Variants in NDUFAF6 observed in about 807,000 individuals in gnomAD.
NDUFAF6 encodes NADH:ubiquinone oxidoreductase complex assembly factor 6, also known as NADH dehydrogenase (ubiquinone) complex I, assembly factor 6.
NDUFAF6 carries 45 observed loss-of-function variants against 40.8 expected under a neutral mutation model. That is an observed-to-expected ratio of 1.10 (90% CI 0.87 to 1.42). NDUFAF6 has a LOEUF of 1.42. Ranked by LOEUF, NDUFAF6 falls within the 40% of genes most tolerant of loss-of-function variation. NDUFAF6 has a pLI of 0.00. For missense variants in NDUFAF6, 435 were observed against 418.5 expected, an observed-to-expected ratio of 1.04 and a Z score of -0.34; for synonymous variants, 185 against 155.9, an observed-to-expected ratio of 1.19 and a Z score of -1.39.
In NDUFAF6 at chr8:95,066,277, T is replaced by G. The variant is rs534592064; in HGVS notation, c.*512-9356T>G. ...TAGGCATGTGCCATCATGCCTGGCT[T>G]GCTTGCTTGCTTTTTTTTTTTTTTT... On this transcript the variant is annotated intron_variant and NMD_transcript_variant, in intron 9 of 9. Transcript: ENST00000520757. 6.2e-5 allele frequency among the ~76,000 whole-genome samples: 9 copies of G among 144,570 alleles called. No homozygotes were observed. The East Asian group carries it at 1.0e-3, about 17-fold the overall frequency. The allele number at this position is 144,570 out of a possible 152,430, so 94.8% of individuals were successfully genotyped here. A position where few individuals can be genotyped will look rare whatever the true frequency, so the allele number is the denominator to read the frequency against.
At chr8:94,912,714 G>A (rs1818863801) in intron 1 of NDUFAF6, among the ~76,000 whole-genome samples, 1 of 151,980 alleles carries the variant, frequency 6.6e-6, no homozygotes, top group Non-Finnish European at 1.5e-5. Context: ...TCGGGAGGCT[G>A]AGGCAGGAGA....
downstream of NDUFAF6, among the ~76,000 whole-genome samples, chr8:95,106,633 G>T (rs1322762835): frequency 6.6e-6 from 1 of 152,134 alleles, no homozygotes; most frequent in Non-Finnish European, 1.5e-5. Flanking sequence ...TTGACAAATG[G>T]GATCTAATTA....
chr8:95,103,001 A>G (rs1587278737), exon 3 of NDUFAF6: 1 of 152,070 alleles, frequency 6.6e-6, no homozygotes, highest in African/African-American at 2.4e-5. Flanking sequence ...GTACCTTATG[A>G]CGACAAGATG....
At chr8:95,062,710 T>G (rs148882993), downstream of NDUFAF6, among the ~76,000 whole-genome samples, 563 of 152,358 alleles carry the variant, frequency 3.7e-3, 23 homozygotes, top group Admixed American at 0.031. Flanking sequence ...TCTCCCAAAA[T>G]GCCTGTTGTC....
downstream of NDUFAF6, among the ~76,000 whole-genome samples, chr8:95,106,168 G>A (rs576324413): frequency 6.6e-5 from 10 of 151,952 alleles, no homozygotes; most frequent in Admixed American, 1.3e-4. Context: ...CCAGCTACCC[G>A]GGAGGCTGAG....
At chr8:95,053,925 CTTTTTTTTTTTTTT>C (rs71273448) in intron 8 of NDUFAF6, among the ~76,000 whole-genome samples, 1 of 37,016 alleles carries the variant, frequency 2.7e-5, no homozygotes, top group Non-Finnish European at 5.0e-5. Flanking sequence ...CCGTGCCCGG[CTTTTTTTTTTTTTT>C]TTTTTTTTTT....
At chr8:94,929,843 C>T (rs1034161895) in intron 1 of NDUFAF6, 2 of 152,502 alleles carry the variant, frequency 1.3e-5, no homozygotes, top group Admixed American at 1.3e-4. Context: ...ATTGGAATTA[C>T]TGCATGCACT....
chr8:94,976,177 T>A (rs1356065875), intron 1 of NDUFAF6, among the ~76,000 whole-genome samples: 6 of 105,216 alleles, frequency 5.7e-5, no homozygotes, highest in Non-Finnish European at 1.1e-4. Flanking sequence ...CCAGCCTGGG[T>A]GACAGAGACT....
intron 1 of NDUFAF6, among the ~76,000 whole-genome samples, chr8:94,921,722 C>T (rs1819515502): frequency 6.6e-6 from 1 of 152,206 alleles, no homozygotes. Flanking sequence ...ACTAAAAATG[C>T]AGATTAACAT....
intron 2 of NDUFAF6, among the ~76,000 whole-genome samples, chr8:94,995,566 C>A (rs1047936370): frequency 6.6e-6 from 1 of 151,726 alleles, no homozygotes; most frequent in Admixed American, 6.6e-5. Context: ...GAGTTTGAGC[C>A]CCCATCTTTA....
chr8:94,951,781 G>A (rs58157823), intron 2 of NDUFAF6, among the ~76,000 whole-genome samples: 66 of 152,252 alleles, frequency 4.3e-4, no homozygotes, highest in African/African-American at 1.4e-3. Flanking sequence ...CTGTATCTGG[G>A]GTGGATCACT....
At chr8:95,016,843 A>G (rs1432060127) in intron 2 of NDUFAF6, among the ~76,000 whole-genome samples, 9 of 152,044 alleles carry the variant, frequency 5.9e-5, no homozygotes, top group African/African-American at 1.9e-4. Context: ...GGGGTGCTTT[A>G]TATACAAAGG....
chr8:94,974,550 C>G (rs1824763219), intron 1 of NDUFAF6: 2 of 152,240 alleles, frequency 1.3e-5, no homozygotes, highest in Admixed American at 1.3e-4. Context: ...AATGCCTTCC[C>G]CAGCTCAAGC....
chr8:95,061,120 G>A (rs1057451338), downstream of NDUFAF6, among the ~76,000 whole-genome samples: 1 of 152,190 alleles, frequency 6.6e-6, no homozygotes, highest in Non-Finnish European at 1.5e-5. Context: ...AAACGGAATG[G>A]ATGGTCTATG....
intron 1 of NDUFAF6, among the ~76,000 whole-genome samples, chr8:94,980,308 G>C (rs1321278138): frequency 6.6e-6 from 1 of 151,346 alleles, no homozygotes; most frequent in Non-Finnish European, 1.5e-5. Context: ...AACTGCAGAA[G>C]TTACATATCA....
At chr8:95,098,501 A>T (rs1809543442), upstream of NDUFAF6, among the ~76,000 whole-genome samples, 1 of 152,150 alleles carries the variant, frequency 6.6e-6, no homozygotes. Flanking sequence ...CCCCGTCTCT[A>T]CTAAAAATAC....
chr8:95,114,089 T>A (rs1222592541), intron 4 of NDUFAF6, among the ~76,000 whole-genome samples: 1 of 151,752 alleles, frequency 6.6e-6, no homozygotes, highest in Non-Finnish European at 1.5e-5. Flanking sequence ...CACACCAGCA[T>A]GGCACATGTA....
chr8:95,039,250 T>G (rs1055907350), intron 3 of NDUFAF6, among the ~76,000 whole-genome samples: 1 of 151,606 alleles, frequency 6.6e-6, no homozygotes, highest in Non-Finnish European at 1.5e-5. Context: ...GTCAAGAGAT[T>G]GAGACCATCC....
intron 2 of NDUFAF6, among the ~76,000 whole-genome samples, chr8:95,034,919 G>A (rs893313172): frequency 6.7e-6 from 1 of 150,354 alleles, no homozygotes; most frequent in Non-Finnish European, 1.5e-5. Context: ...CGCTCTTGTC[G>A]CCCAGGCTAG....
Sources: gnomAD v4.1 joint callset for allele counts (sites outside exome capture counted in the v4.1 genomes callset) on GRCh38, gnomAD v4.1.1 for gene constraint, MANE v1.5 for transcripts, NCBI Gene and HGNC (gene_info 2026-07-23, HGNC 2026-07-21) for gene names.